CSMD1: variants seen among roughly 807,000 people sequenced by gnomAD.
The protein encoded by CSMD1 is CUB and Sushi multiple domains 1.
Under a neutral mutation model 417.5 loss-of-function variants are expected in CSMD1, and 213 were observed. That is an observed-to-expected ratio of 0.51 (90% confidence interval 0.46 to 0.57). The LOEUF (loss-of-function observed/expected upper bound fraction) is 0.57. Among genes scored for constraint, CSMD1 ranks in the 20% least tolerant of loss-of-function variants. The probability of loss-of-function intolerance (pLI) is 0.00; values close to 1 mark genes in which losing one functional copy is unlikely to be tolerated. For synonymous variants in CSMD1, 2,862 were observed against 1,736.8 expected (o/e 1.65, Z -16.11); for missense variants, 6,923 against 4,529.7 (o/e 1.53, Z -15.17).
intron 3 of CSMD1, among the ~76,000 whole-genome samples, chr8:4,067,218 T>G (rs1374488110): frequency 1.3e-5 from 2 of 152,230 alleles, no homozygotes; most frequent in Non-Finnish European, 2.9e-5. Context: ...TCATCTTTTT[T>G]CTACATGAAG....
At chr8:4,217,874 A>G (rs190305645) in intron 3 of CSMD1, among the ~76,000 whole-genome samples, 230 of 152,320 alleles carry the variant, frequency 1.5e-3, no homozygotes, top group Non-Finnish European at 2.0e-3. Context: ...GAAAGGAAAC[A>G]TAAGAGGAGG....
intron 50 of CSMD1, among the ~76,000 whole-genome samples, chr8:3,034,400 A>G (rs1329028156): frequency 1.3e-5 from 2 of 152,216 alleles, no homozygotes; most frequent in African/African-American, 4.8e-5. Context: ...AGTTAGGCTG[A>G]AAAACTGAAA....
rs763361198 is a variant in CSMD1 at position 3,406,150 on chromosome 8, G to A, written c.2143C>T (p.Leu715Phe). The change falls in exon 15 of 70, where the codon CTC (leucine) becomes TTC (phenylalanine). Residue 715 changes from leucine to phenylalanine, a missense_variant. Coordinates refer to ENST00000635120, the MANE Select transcript of CSMD1 (RefSeq NM_033225.6). Reference sequence around the variant, plus strand: ...CAGTGGAAAGAAACCGAGCTCCCGAGTAGAAACCTGTCACCAAAACGTCGT... The same window carrying A: ...CAGTGGAAAGAAACCGAGCTCCCGAATAGAAACCTGTCACCAAAACGTCGT... ...NGRRFGDRFL[L>F]GSSVSFHCDD... The A allele has an allele frequency of 1.2e-6, 2 of 1,613,546 alleles. No individual in the cohort carries two copies. The highest frequency in any genetic ancestry group is 1.3e-5 in the African/African-American group (1 of 74,890).
chr8:3,969,330 C>T (rs569752394), intron 5 of CSMD1, among the ~76,000 whole-genome samples: 4 of 152,234 alleles, frequency 2.6e-5, no homozygotes, highest in Non-Finnish European at 4.4e-5. Flanking sequence ...CCCATGCTCT[C>T]GCTACTTGCT....
intron 2 of CSMD1, among the ~76,000 whole-genome samples, chr8:4,559,604 T>A (rs535037183): frequency 6.6e-6 from 1 of 152,214 alleles, no homozygotes; most frequent in Non-Finnish European, 1.5e-5. Context: ...CAATGTTGTA[T>A]AAAATTATAA....
chr8:3,464,743 T>A (rs890136796), intron 12 of CSMD1, among the ~76,000 whole-genome samples: 1 of 152,024 alleles, frequency 6.6e-6, no homozygotes, highest in African/African-American at 2.4e-5. Context: ...TTGCTTTATA[T>A]GGCTCTATCA....
chr8:4,052,530 G>C (rs1332180711), intron 3 of CSMD1, among the ~76,000 whole-genome samples: 6 of 152,044 alleles, frequency 3.9e-5, no homozygotes, highest in Admixed American at 2.6e-4. Context: ...TAGTTTGCTA[G>C]AACGTCAATG....
At chr8:3,783,295 C>G (rs985922169) in intron 5 of CSMD1, among the ~76,000 whole-genome samples, 1 of 152,200 alleles carries the variant, frequency 6.6e-6, no homozygotes, top group South Asian at 2.1e-4. Context: ...ATTAGAAATA[C>G]TGGGATGGAT....
chr8:4,273,260 T>C (rs978266676), intron 3 of CSMD1, among the ~76,000 whole-genome samples: 6 of 152,162 alleles, frequency 3.9e-5, no homozygotes, highest in Admixed American at 1.3e-4. Context: ...ATGAGCATAT[T>C]TGTATTAGTT....
chr8:3,498,337 G>A (rs1258998574), intron 10 of CSMD1, among the ~76,000 whole-genome samples: 2 of 152,098 alleles, frequency 1.3e-5, no homozygotes, highest in East Asian at 1.9e-4. Flanking sequence ...AAAGTTTAAC[G>A]ATCAAATCAG....
At chr8:3,774,560 C>A (rs1798798075) in intron 5 of CSMD1, among the ~76,000 whole-genome samples, 1 of 152,140 alleles carries the variant, frequency 6.6e-6, no homozygotes, top group African/African-American at 2.4e-5. Flanking sequence ...CCTTAGTGGA[C>A]AGAACGTCAT....
intron 50 of CSMD1, among the ~76,000 whole-genome samples, chr8:3,034,180 C>A (rs774453975): frequency 4.9e-4 from 74 of 152,338 alleles, no homozygotes; most frequent in Non-Finnish European, 8.7e-4. Flanking sequence ...AAAGTTTTCT[C>A]TTAACAGGTA....
chr8:3,809,662 G>A (rs1221281158), intron 5 of CSMD1, among the ~76,000 whole-genome samples: 1 of 152,168 alleles, frequency 6.6e-6, no homozygotes, highest in Non-Finnish European at 1.5e-5. Context: ...AACATCAGGT[G>A]ATGCTGATGC....
At chr8:3,504,707 C>A (rs991425582) in intron 10 of CSMD1, among the ~76,000 whole-genome samples, 1 of 152,176 alleles carries the variant, frequency 6.6e-6, no homozygotes, top group African/African-American at 2.4e-5. Flanking sequence ...ATTTTATCAC[C>A]TGCACCCTTC....
chr8:4,146,243 A>C lies in CSMD1; in HGVS notation c.416-114144T>G, dbSNP rs1364326739. ...CATGAACTTGGAGAAAACCTCTCCC[A>C]GGACCCTCATCCACTCGAGGCAGTA... On this transcript the variant is annotated intron_variant, in intron 3 of 69. Transcript: ENST00000635120. 1.3e-5 allele frequency among the ~76,000 whole-genome samples: 2 copies of C among 151,086 alleles called. 1 individual carries two copies. Among genetic ancestry groups the C allele is most frequent in the African/African-American group, 4.9e-5 (2 of 40,408 alleles).
chr8:3,128,652 T>C (rs1490710633), intron 41 of CSMD1: 1 of 313,180 alleles, frequency 3.2e-6, no homozygotes, highest in Non-Finnish European at 6.3e-6. Flanking sequence ...ACAAACTATC[T>C]AATTAAGTGT....
chr8:3,593,158 G>A (rs780299488), intron 8 of CSMD1, among the ~76,000 whole-genome samples: 22 of 152,366 alleles, frequency 1.4e-4, no homozygotes, highest in Admixed American at 9.1e-4. Flanking sequence ...TGATGGTGGC[G>A]TGGAGGCTGT....
At chr8:4,372,746 G>C (rs555786931) in intron 3 of CSMD1, among the ~76,000 whole-genome samples, 1 of 145,454 alleles carries the variant, frequency 6.9e-6, no homozygotes, top group South Asian at 2.2e-4. Flanking sequence ...GGAGGCAAAA[G>C]AAAAAAAAAA....
At chr8:3,427,259 G>T (rs577519217) in intron 12 of CSMD1, among the ~76,000 whole-genome samples, 2 of 152,080 alleles carry the variant, frequency 1.3e-5, no homozygotes, top group Non-Finnish European at 2.9e-5. Context: ...GATTTTCAAG[G>T]CCAGCCTACT....
Sources: allele counts gnomAD v4.1 joint callset (sites outside exome capture counted in the v4.1 genomes callset), GRCh38; gene constraint gnomAD v4.1.1; transcripts MANE v1.5; gene names NCBI Gene and HGNC (gene_info 2026-07-23, HGNC 2026-07-21).